DMD: variants seen among roughly 807,000 people sequenced by gnomAD.
DMD encodes the protein dystrophin.
DMD carries 63 observed loss-of-function variants against 330.1 expected under a neutral mutation model. That is an observed-to-expected ratio of 0.19 (90% confidence interval 0.16 to 0.24). DMD has a LOEUF of 0.24. Ranked by LOEUF, DMD falls within the 10% of genes least tolerant of loss-of-function variation. DMD has a pLI of 1.00. For missense variants in DMD, 3,344 were observed against 2,684.1 expected, an observed-to-expected ratio of 1.25 and a Z score of -5.43; for synonymous variants, 1,223 against 959.8, an observed-to-expected ratio of 1.27 and a Z score of -5.07.
intron 50 of DMD, among the ~76,000 whole-genome samples, chrX:31,793,549 G>A (rs1170930953): frequency 1.8e-5 from 2 of 111,785 alleles, no homozygotes; most frequent in African/African-American, 6.5e-5. Context: ...GAACATCATT[G>A]CTTAGCCTAG....
rs143898145 is a variant in DMD at position 31,980,553 on chromosome X, T to C, written c.6439-12039A>G. 1.8e-3 allele frequency among the ~76,000 whole-genome samples: 197 copies of C among 111,741 alleles called. 2 individuals carry two copies. The highest frequency in any genetic ancestry group is 6.2e-3 in the African/African-American group (192 of 30,792). Reference sequence around the variant, plus strand: ...ACTGGAAGGTAGCATGAAAAAGCTTTCTGAGGTAATGGAAATTTTTATTTT... The same window carrying C: ...ACTGGAAGGTAGCATGAAAAAGCTTCCTGAGGTAATGGAAATTTTTATTTT... On this transcript the variant is annotated intron_variant, in intron 44 of 78. Transcript: ENST00000357033.
intron 2 of DMD, among the ~76,000 whole-genome samples, chrX:32,943,892 A>T (rs73219761): frequency 0.11 from 12,536 of 111,492 alleles, 542 homozygotes; most frequent in Middle Eastern, 0.24. Flanking sequence ...GTCCAAATAT[A>T]TGGGGTACAT....
At chrX:31,399,206 C>T (rs1248063989) in intron 60 of DMD, among the ~76,000 whole-genome samples, 1 of 109,298 alleles carries the variant, frequency 9.1e-6, no homozygotes, top group Non-Finnish European at 1.9e-5. Context: ...ATTTTATTGC[C>T]AATGAAAGTG....
chrX:32,583,169 C>T (rs1190345731), intron 13 of DMD, among the ~76,000 whole-genome samples: 2 of 111,941 alleles, frequency 1.8e-5, no homozygotes, highest in African/African-American at 6.5e-5. Flanking sequence ...TCTTTCTTGC[C>T]TGTTTGTCTG....
chrX:33,330,034 G>A (rs1215226975), intron 1 of DMD, among the ~76,000 whole-genome samples: 2 of 111,122 alleles, frequency 1.8e-5, no homozygotes, highest in Non-Finnish European at 3.8e-5. Flanking sequence ...TTACTTCAGC[G>A]AGTCAGAGAT....
intron 44 of DMD, among the ~76,000 whole-genome samples, chrX:32,024,769 C>G (rs2095835129): frequency 9.0e-6 from 1 of 111,469 alleles, no homozygotes; most frequent in Non-Finnish European, 1.9e-5. Context: ...TCAGAAGAAG[C>G]ATTACTACAA....
intron 50 of DMD, among the ~76,000 whole-genome samples, chrX:31,785,145 G>A (rs181476128): frequency 1.8e-5 from 2 of 112,272 alleles, no homozygotes; most frequent in Admixed American, 1.9e-4. Flanking sequence ...CAACATGGGT[G>A]TACCTTGAAG....
chrX:32,916,718 A>G (rs913237759), intron 2 of DMD, among the ~76,000 whole-genome samples: 6 of 111,795 alleles, frequency 5.4e-5, no homozygotes, highest in African/African-American at 1.9e-4. Context: ...ACAGCCCAGT[A>G]ATATTGGACA....
chrX:31,564,895 A>T (rs887179223), intron 55 of DMD, among the ~76,000 whole-genome samples: 3 of 112,262 alleles, frequency 2.7e-5, no homozygotes, highest in Non-Finnish European at 5.6e-5. Context: ...GTATTACAGA[A>T]GCTCTTAACT....
intron 54 of DMD, among the ~76,000 whole-genome samples, chrX:31,633,555 C>T (rs1303226902): frequency 8.9e-6 from 1 of 111,867 alleles, no homozygotes; most frequent in Admixed American, 9.5e-5. Context: ...GATAGGTAAA[C>T]ATTTAACTAG....
At chrX:31,408,711 T>G (rs1010756981) in intron 60 of DMD, among the ~76,000 whole-genome samples, 7 of 109,275 alleles carry the variant, frequency 6.4e-5, no homozygotes, top group Admixed American at 2.9e-4. Context: ...TTTGAACTTT[T>G]TTTTGTTTTG....
chrX:32,995,001 T>A (rs1185267686), intron 2 of DMD, among the ~76,000 whole-genome samples: 1 of 111,513 alleles, frequency 9.0e-6, no homozygotes, highest in Non-Finnish European at 1.9e-5. Context: ...TAGTCCCAGC[T>A]ACTTGGGGGT....
intron 55 of DMD, chrX:31,508,115 G>T: frequency 1.4e-6 from 1 of 703,873 alleles, no homozygotes; most frequent in Non-Finnish European, 2.2e-6. Context: ...AAAGTACATA[G>T]GACCTTGGTA....
chrX:32,102,108 C>A (rs1367029613), intron 44 of DMD: 3 of 111,841 alleles, frequency 2.7e-5, no homozygotes, highest in Middle Eastern at 4.7e-3. Flanking sequence ...CTTATCTGAT[C>A]TTGGAAGCTA....
intron 55 of DMD, among the ~76,000 whole-genome samples, chrX:31,626,726 A>G (rs987874145): frequency 3.6e-5 from 4 of 112,196 alleles, no homozygotes; most frequent in African/African-American, 1.3e-4. Flanking sequence ...ACTTCTGCTT[A>G]TTATGATTTG....
chrX:31,222,982 C>T (rs2046250225), intron 64 of DMD, 65 bp downstream of exon 64: 3 of 1,022,276 alleles, frequency 2.9e-6, no homozygotes, highest in Non-Finnish European at 2.8e-6. Context: ...AAAATGTACC[C>T]AACCTACTTT....
At chrX:32,678,947 A>C (rs2062165284) in intron 9 of DMD, among the ~76,000 whole-genome samples, 1 of 112,399 alleles carries the variant, frequency 8.9e-6, no homozygotes, top group African/African-American at 3.2e-5. Flanking sequence ...ATGTACTGAA[A>C]GAAAAAACAA....
chrX:32,375,144 G>A (rs1376596343), intron 34 of DMD, among the ~76,000 whole-genome samples: 3 of 110,641 alleles, frequency 2.7e-5, no homozygotes, highest in Non-Finnish European at 5.7e-5. Context: ...TCAGTTCTCG[G>A]TTTGCGCTAT....
Position 32,573,644 on chromosome X carries a change from G to A in DMD, c.1705-7C>T, listed in dbSNP as rs751260044. The stretch of plus-strand genomic sequence containing the variant: ...GCCATGCACTAAAAAGGCACTGCAA[G>A]ACATTAAAGAATTCCAAGGAATAAA... On this transcript the variant is annotated splice_polypyrimidine_tract_variant and splice_region_variant and intron_variant, in intron 14 of 78. Coordinates refer to ENST00000357033, the MANE Select transcript of DMD (RefSeq NM_004006.3). 8 of 1,201,548 alleles carry A rather than the reference G, an allele frequency of 6.7e-6. No homozygotes were observed. Among genetic ancestry groups the A allele is most frequent in the Non-Finnish European group, 7.9e-6 (7 of 886,203 alleles).
Sources: allele counts gnomAD v4.1 joint callset (sites outside exome capture counted in the v4.1 genomes callset), GRCh38; gene constraint gnomAD v4.1.1; transcripts MANE v1.5; gene names NCBI Gene and HGNC (gene_info 2026-07-23, HGNC 2026-07-21).